KLF8: variants seen among roughly 807,000 people sequenced by gnomAD.
KLF8 encodes the protein KLF transcription factor 8, also known as Krueppel-like factor 8.
A neutral mutation model predicts 18.2 loss-of-function variants in KLF8; 10 were observed. The ratio of observed to expected loss-of-function variants is 0.55; its 90% CI spans 0.34 to 0.93. The LOEUF (loss-of-function observed/expected upper bound fraction) is 0.93. KLF8 is among the 40% of genes least tolerant of loss of function. The pLI is 0.02. For missense variants in KLF8, 264 were observed against 277.9 expected (o/e 0.95, Z 0.36); for synonymous variants, 109 against 97.3 (o/e 1.12, Z -0.71).
the KLF8 span, among the ~76,000 whole-genome samples, chrX:56,038,635 G>A: frequency 8.9e-6 from 1 of 112,152 alleles, no homozygotes; most frequent in African/African-American, 3.2e-5. Context: ...CATTTGGATT[G>A]TTCTTATGTC....
At chrX:56,064,734 C>T in the KLF8 span, among the ~76,000 whole-genome samples, 2 of 111,325 alleles carry the variant, frequency 1.8e-5, no homozygotes, top group Non-Finnish European at 3.8e-5. Flanking sequence ...GGCTATTGTC[C>T]TTTCACTTCC....
At chrX:56,049,764 A>C in the KLF8 span, among the ~76,000 whole-genome samples, 2 of 110,640 alleles carry the variant, frequency 1.8e-5, no homozygotes, top group Admixed American at 9.6e-5. Flanking sequence ...TTTGGTATCA[A>C]AATGATGCTG....
chrX:56,078,561 T>C, the KLF8 span, among the ~76,000 whole-genome samples: 1 of 112,132 alleles, frequency 8.9e-6, no homozygotes, highest in Admixed American at 9.4e-5. Flanking sequence ...TTATTGAGGA[T>C]TTTTGCATCA....
chrX:56,128,696 A>G, the KLF8 span, among the ~76,000 whole-genome samples: 1 of 112,001 alleles, frequency 8.9e-6, no homozygotes, highest in Non-Finnish European at 1.9e-5. Context: ...ACTCCCATGT[A>G]ATGTACCAAA....
the KLF8 span, among the ~76,000 whole-genome samples, chrX:56,190,777 G>T: frequency 9.0e-6 from 1 of 111,328 alleles, no homozygotes; most frequent in South Asian, 3.7e-4. Flanking sequence ...TGAAAGAAGT[G>T]AATACCCACT....
chrX:55,985,027 C>T, the KLF8 span, among the ~76,000 whole-genome samples: 4 of 110,134 alleles, frequency 3.6e-5, no homozygotes, highest in Admixed American at 9.7e-5. Flanking sequence ...GATATTACAC[C>T]TTTGTCAGAT....
the KLF8 span, among the ~76,000 whole-genome samples, chrX:56,065,526 A>G: frequency 9.1e-6 from 1 of 109,875 alleles, no homozygotes; most frequent in Non-Finnish European, 1.9e-5. Context: ...TACCATTTTC[A>G]ATTCTTTTTT....
At chrX:56,088,088 C>A in the KLF8 span, among the ~76,000 whole-genome samples, 2 of 110,940 alleles carry the variant, frequency 1.8e-5, no homozygotes, top group Non-Finnish European at 3.8e-5. Context: ...TTGGGAAAAT[C>A]GTTGTAAAAG....
chrX:56,203,778 G>T, the KLF8 span, among the ~76,000 whole-genome samples: 2 of 111,518 alleles, frequency 1.8e-5, no homozygotes, highest in Non-Finnish European at 3.8e-5. Flanking sequence ...CTGTTCCACT[G>T]GTCTATGTGT....
At chrX:55,953,370 A>T in the KLF8 span, among the ~76,000 whole-genome samples, 1 of 111,000 alleles carries the variant, frequency 9.0e-6, no homozygotes, top group African/African-American at 3.3e-5. Flanking sequence ...GTGTTCATGG[A>T]TGAGAATACC....
chrX:56,101,793 G>T, the KLF8 span, among the ~76,000 whole-genome samples: 1 of 111,522 alleles, frequency 9.0e-6, no homozygotes, highest in African/African-American at 3.3e-5. Flanking sequence ...TTTTTAATAA[G>T]TTCATTTGAT....
the KLF8 span, among the ~76,000 whole-genome samples, chrX:55,995,536 G>C: frequency 2.7e-5 from 3 of 112,112 alleles, no homozygotes; most frequent in Non-Finnish European, 3.8e-5. Context: ...TGTTTCTGTG[G>C]TTAGCACTTC....
At chrX:56,196,614 AC>A in the KLF8 span, among the ~76,000 whole-genome samples, 1 of 111,536 alleles carries the variant, frequency 9.0e-6, no homozygotes, top group East Asian at 2.8e-4. Context: ...TTAGAGACCT[AC>A]AAAGAGACTT....
chrX:55,935,422 G>A, the KLF8 span, among the ~76,000 whole-genome samples: 2 of 111,931 alleles, frequency 1.8e-5, no homozygotes, highest in South Asian at 7.5e-4. Flanking sequence ...ATTTTAACAA[G>A]ATATCAAGTG....
At chrX:55,943,086 G>C in the KLF8 span, among the ~76,000 whole-genome samples, 33 of 110,539 alleles carry the variant, frequency 3.0e-4, no homozygotes, top group Admixed American at 9.7e-4. Flanking sequence ...TGAATACAGC[G>C]GCGAGGGAAT....
Position 56,233,198 on chromosome X carries a change from C to A in KLF8, c.-137C>A. ...GAGTGGGGGCCCAAGAACGAGAAGA[C>A]GAGAACGCGTCGCCCTGCGCTATGT... On this transcript the variant is annotated 5_prime_UTR_variant, in exon 1 of 6. Transcript: ENST00000468660. 1.7e-5 allele frequency: 12 copies of A among 718,547 alleles called. No homozygotes were observed. The highest frequency in any genetic ancestry group is 2.6e-5 in the Non-Finnish European group (12 of 467,150). 59.2% of individuals were successfully genotyped at this position (718,547 alleles called of 1,213,427 possible).
At chrX:56,269,779 T>C (rs2067027004) in intron 4 of KLF8, among the ~76,000 whole-genome samples, 1 of 112,763 alleles carries the variant, frequency 8.9e-6, no homozygotes, top group South Asian at 3.7e-4. Flanking sequence ...TGTTTCTCTC[T>C]GTAAGTTTAA....
chrX:55,945,234 GA>G, the KLF8 span, among the ~76,000 whole-genome samples: 1 of 110,774 alleles, frequency 9.0e-6, no homozygotes, highest in Non-Finnish European at 1.9e-5. Flanking sequence ...ATTTGGTGAG[GA>G]GAGCTTTACT....
the KLF8 span, among the ~76,000 whole-genome samples, chrX:56,155,104 G>A: frequency 9.2e-6 from 1 of 109,005 alleles, no homozygotes; most frequent in Non-Finnish European, 1.9e-5. Flanking sequence ...CCCATTCCTG[G>A]GTATATATCC....
Sources: gnomAD v4.1 joint callset for allele counts (sites outside exome capture counted in the v4.1 genomes callset) on GRCh38, gnomAD v4.1.1 for gene constraint, MANE v1.5 for transcripts, NCBI Gene and HGNC (gene_info 2026-07-23, HGNC 2026-07-21) for gene names.